CRISPLD2: variants seen among roughly 807,000 people sequenced by gnomAD.
The protein encoded by CRISPLD2 is cysteine-rich secretory protein LCCL domain-containing 2.
Under a neutral mutation model 71.1 loss-of-function variants are expected in CRISPLD2, and 47 were observed. The observed-to-expected ratio is 0.66, with a 90% CI of 0.52 to 0.84. CRISPLD2 has a LOEUF of 0.84. Among genes scored for constraint, CRISPLD2 ranks in the 40% least tolerant of loss-of-function variants. CRISPLD2 has a pLI of 0.00. For synonymous variants in CRISPLD2, 317 were observed against 250.1 expected (o/e 1.27, Z -2.52); for missense variants, 830 against 651.1 (o/e 1.27, Z -2.99).
rs1055441026 is a variant in CRISPLD2, at chr16:84,908,332, A to C, written c.*1690A>C. ...TCATAGGTACTGACTCCTCAGCCCC[A>C]AATGTCGGAGAGGAAGAATTCGGTC... is the stretch of plus-strand genomic sequence containing the variant. On this transcript the variant is annotated 3_prime_UTR_variant, in exon 15 of 15. Coordinates refer to ENST00000262424, the MANE Select transcript of CRISPLD2 (RefSeq NM_031476.4). 1.6e-4 allele frequency: 25 copies of C among 152,384 alleles called. No individual in the cohort carries two copies. Among genetic ancestry groups the C allele is most frequent in the African/African-American group, 5.8e-4 (24 of 41,586 alleles). The allele number at this position is 152,384 out of a possible 1,614,324, so 9.4% of individuals were successfully genotyped here.
At chr16:84,856,347 C>A (rs556265426) in intron 6 of CRISPLD2, among the ~76,000 whole-genome samples, 1 of 152,274 alleles carries the variant, frequency 6.6e-6, no homozygotes, top group South Asian at 2.1e-4. Context: ...GTCACTCACC[C>A]CAGCCAACAC....
intron 1 of CRISPLD2, among the ~76,000 whole-genome samples, chr16:84,821,816 A>G (rs571637217): frequency 1.3e-5 from 2 of 152,374 alleles, no homozygotes; most frequent in East Asian, 3.9e-4. Flanking sequence ...CATGATGCTT[A>G]GTACAGACCA....
intron 2 of CRISPLD2, chr16:84,839,089 G>A (rs1050139317): frequency 6.2e-5 from 24 of 388,274 alleles, no homozygotes; most frequent in Non-Finnish European, 8.5e-5. Flanking sequence ...GTCTTGCTAC[G>A]TTGCCCAGGC....
At chr16:84,831,120 C>CG (rs1167512592) in intron 1 of CRISPLD2, among the ~76,000 whole-genome samples, 9 of 152,146 alleles carry the variant, frequency 5.9e-5, no homozygotes, top group Non-Finnish European at 1.3e-4. Flanking sequence ...AGCCCAGGGC[C>CG]GGGGGTGCCC....
rs746899591 is a variant in CRISPLD2 at position 84,845,821 on chromosome 16, G to A, written c.276G>A (p.Ala92=). 5.6e-5 allele frequency: 90 copies of A among 1,613,966 alleles called. 1 individual carries two copies. The Middle Eastern group carries it at 6.6e-4, about 12-fold the overall frequency. The change falls in exon 3 of 15, where the codon GCG becomes GCA. Residue 92 remains alanine (A), a synonymous_variant. Transcript: ENST00000262424. ...ACGAACTGGAGAAGTCTGCTGCAGC[G>A]TGGGCCAGTCAGTGCATCTGGGAGC... is the stretch of plus-strand genomic sequence containing the variant. ...WDDELEKSAA[A]WASQCIWEHG... is the part of the protein sequence containing the mutation.
intron 11 of CRISPLD2, among the ~76,000 whole-genome samples, chr16:84,874,973 G>A (rs1438962695): frequency 2.0e-5 from 3 of 152,134 alleles, no homozygotes; most frequent in African/African-American, 7.2e-5. Flanking sequence ...TGATGCAGCA[G>A]CTGACACCTG....
At chr16:84,887,821 A>G (rs371485774) in intron 13 of CRISPLD2, among the ~76,000 whole-genome samples, 2 of 152,218 alleles carry the variant, frequency 1.3e-5, no homozygotes, top group East Asian at 3.9e-4. Flanking sequence ...GGTTGCGATA[A>G]GCTGAGATTG....
At chr16:84,885,450 G>T (rs2071604098) in intron 13 of CRISPLD2, among the ~76,000 whole-genome samples, 1 of 152,306 alleles carries the variant, frequency 6.6e-6, no homozygotes. Flanking sequence ...AGACAGGGAG[G>T]CCGGCCATCC....
chr16:84,870,981 C>A (rs1268455182), intron 8 of CRISPLD2, among the ~76,000 whole-genome samples: 1 of 152,108 alleles, frequency 6.6e-6, no homozygotes, highest in Non-Finnish European at 1.5e-5. Flanking sequence ...TCGCTTGAAC[C>A]TGGGAGGTGG....
chr16:84,844,954 C>A (rs1916872176), intron 2 of CRISPLD2, among the ~76,000 whole-genome samples: 1 of 152,184 alleles, frequency 6.6e-6, no homozygotes, highest in African/African-American at 2.4e-5. Flanking sequence ...GAGAGGGTAA[C>A]TGCGTGCCTA....
At chr16:84,877,043 T>C (rs997444329) in intron 11 of CRISPLD2, among the ~76,000 whole-genome samples, 2 of 152,156 alleles carry the variant, frequency 1.3e-5, no homozygotes, top group Admixed American at 6.5e-5. Flanking sequence ...CCCACCTCAG[T>C]CCTGGGAAGG....
chr16:84,853,734 C>G (rs1217548630), intron 5 of CRISPLD2, among the ~76,000 whole-genome samples: 1 of 152,248 alleles, frequency 6.6e-6, no homozygotes, highest in Non-Finnish European at 1.5e-5. Context: ...CCCCAACGCT[C>G]AGAGCACAGC....
At chr16:84,854,296 T>TGTG (rs1339484499) in intron 5 of CRISPLD2, among the ~76,000 whole-genome samples, 7 of 152,066 alleles carry the variant, frequency 4.6e-5, no homozygotes, top group Non-Finnish European at 8.8e-5. Flanking sequence ...AGGGATGGTG[T>TGTG]GTGGTAAAAA....
At chr16:84,871,933 A>G (rs1378584816) in intron 8 of CRISPLD2, among the ~76,000 whole-genome samples, 1 of 150,728 alleles carries the variant, frequency 6.6e-6, no homozygotes, top group Non-Finnish European at 1.5e-5. Context: ...TGTGGATTCA[A>G]CCGGCCTCTG....
At chr16:84,832,750 T>C (rs1311401498) in intron 1 of CRISPLD2, among the ~76,000 whole-genome samples, 2 of 152,208 alleles carry the variant, frequency 1.3e-5, no homozygotes, top group Non-Finnish European at 2.9e-5. Context: ...GCTGACAGGC[T>C]AAGTCCCGAG....
chr16:84,856,197 G>A (rs917102664), intron 6 of CRISPLD2, among the ~76,000 whole-genome samples: 1 of 152,192 alleles, frequency 6.6e-6, no homozygotes, highest in African/African-American at 2.4e-5. Flanking sequence ...GCCTGGATTA[G>A]GCTGTTGTAG....
At chr16:84,825,654 G>A (rs1212612662) in intron 1 of CRISPLD2, among the ~76,000 whole-genome samples, 1 of 152,116 alleles carries the variant, frequency 6.6e-6, no homozygotes, top group East Asian at 1.9e-4. Context: ...TACTTGGGAG[G>A]CTGAGGGAGG....
chr16:84,861,852 T>A (rs187428943), intron 6 of CRISPLD2, among the ~76,000 whole-genome samples: 1 of 152,190 alleles, frequency 6.6e-6, no homozygotes, highest in Non-Finnish European at 1.5e-5. Flanking sequence ...ATCGCTTGAG[T>A]CCAGGAGTTT....
intron 2 of CRISPLD2, among the ~76,000 whole-genome samples, chr16:84,841,009 G>A (rs971147666): frequency 6.6e-6 from 1 of 152,200 alleles, no homozygotes. Flanking sequence ...TGAGGTCCCC[G>A]TCCACACGGC....
Sources: gnomAD v4.1 joint callset for allele counts (sites outside exome capture counted in the v4.1 genomes callset) on GRCh38, gnomAD v4.1.1 for gene constraint, MANE v1.5 for transcripts, NCBI Gene and HGNC (gene_info 2026-07-23, HGNC 2026-07-21) for gene names.